HEATR5A: variants seen among roughly 807,000 people sequenced by gnomAD.
HEATR5A encodes the protein HEAT repeat-containing protein 5A.
HEATR5A carries 178 observed loss-of-function variants against 218.8 expected under a neutral mutation model. The observed-to-expected ratio is 0.81, with a 90% confidence interval of 0.72 to 0.92. The LOEUF is 0.92. Among genes scored for constraint, HEATR5A ranks in the 40% least tolerant of loss-of-function variants. The pLI is 0.00. For missense variants in HEATR5A, 2,420 were observed against 2,418.9 expected (o/e 1.00, Z -0.01); for synonymous variants, 864 against 871.6 (o/e 0.99, Z 0.15).
At chr14:31,363,666 TAAG>T (rs35637716) in intron 14 of HEATR5A, among the ~76,000 whole-genome samples, 12,672 of 152,070 alleles carry the variant, frequency 0.083, 602 homozygotes, top group East Asian at 0.16. Context: ...TGCCTGGCCT[TAAG>T]AAGGAGGTTT....
At chr14:31,359,555 C>T (rs1901547108) in intron 14 of HEATR5A, among the ~76,000 whole-genome samples, 1 of 150,530 alleles carries the variant, frequency 6.6e-6, no homozygotes, top group African/African-American at 2.4e-5. Context: ...GGTGAAACCC[C>T]ATCTTTAGTA....
Position 31,347,735 on chromosome 14 carries a change from A to C in HEATR5A, c.2868+13T>G. ...TCATGAATTTCAAGGGAAGTATCACATGAGGTACCCACCTGCACATCAGGA... is the reference window on the plus strand; with the variant it reads ...TCATGAATTTCAAGGGAAGTATCACCTGAGGTACCCACCTGCACATCAGGA... On this transcript the variant is annotated intron_variant, in intron 19 of 35. Transcript: ENST00000543095. The C allele has an allele frequency of 6.4e-7, 1 of 1,556,434 alleles. No homozygotes were observed. The highest frequency in any genetic ancestry group is 1.3e-5 in the South Asian group (1 of 79,250).
chr14:31,355,039 G>A (rs754486033), intron 16 of HEATR5A, among the ~76,000 whole-genome samples: 11 of 152,190 alleles, frequency 7.2e-5, no homozygotes, highest in Non-Finnish European at 1.6e-4. Flanking sequence ...TAATTCCAAT[G>A]TGCAAGTCAG....
intron 1 of HEATR5A, among the ~76,000 whole-genome samples, chr14:31,411,264 C>T (rs2031261819): frequency 6.6e-6 from 1 of 152,026 alleles, no homozygotes. Flanking sequence ...TTAATTACAG[C>T]ACTGTAATTA....
rs1595176729 is a variant in HEATR5A at position 31,400,484 on chromosome 14, A to G, written c.155T>C (p.Leu52Pro). The G allele has an allele frequency of 5.2e-6, 8 of 1,535,698 alleles. No homozygotes were observed. In the East Asian group the frequency reaches 1.7e-4, roughly 33 times the overall value. ...RNDVREKQKT[L>P]VEQLLSLLNS... ...CAACAAAGACAGGAGCTGTTCAACA[A>G]GAGTCTTCTGTTTCTCCCTTACATC... is the stretch of plus-strand genomic sequence containing the variant. The change falls in exon 3 of 36, where the codon CTT becomes CCT. Residue 52 changes from leucine (L) to proline (P), a missense_variant. Coordinates refer to ENST00000543095, the MANE Select transcript of HEATR5A (RefSeq NM_015473.4).
intron 21 of HEATR5A, among the ~76,000 whole-genome samples, chr14:31,338,127 T>C (rs1392526221): frequency 6.6e-6 from 1 of 152,214 alleles, no homozygotes; most frequent in Non-Finnish European, 1.5e-5. Context: ...GGGCAAATTA[T>C]TTAACTCCTC....
At chr14:31,402,427 G>C (rs1267034683) in intron 2 of HEATR5A, among the ~76,000 whole-genome samples, 2 of 152,110 alleles carry the variant, frequency 1.3e-5, no homozygotes, top group Non-Finnish European at 2.9e-5. Flanking sequence ...GAGGGAATCT[G>C]TTTATCCATA....
intron 2 of HEATR5A, 56 bp from the exon 3 acceptor site, chr14:31,400,568 C>A: frequency 8.9e-7 from 1 of 1,121,492 alleles, no homozygotes. Flanking sequence ...ATCTGTAATC[C>A]CCTAATATAA....
intron 1 of HEATR5A, among the ~76,000 whole-genome samples, chr14:31,409,054 C>CA (rs80055747): frequency 2.3e-5 from 1 of 44,396 alleles, no homozygotes; most frequent in African/African-American, 7.7e-5. Context: ...GACTCCGTCT[C>CA]AAAAAAAAAA....
intron 26 of HEATR5A, among the ~76,000 whole-genome samples, chr14:31,316,603 A>C (rs1317648964): frequency 6.6e-6 from 1 of 152,262 alleles, no homozygotes; most frequent in African/African-American, 2.4e-5. Context: ...TGTTTTGAAG[A>C]CAGTGTAATT....
chr14:31,353,920 C>A (rs898973471), intron 16 of HEATR5A, among the ~76,000 whole-genome samples: 1 of 152,030 alleles, frequency 6.6e-6, no homozygotes, highest in African/African-American at 2.4e-5. Context: ...GTGTCTCAGC[C>A]TCCTGAGTAG....
chr14:31,366,236 T>A (rs1376957624), intron 13 of HEATR5A, among the ~76,000 whole-genome samples: 1 of 152,170 alleles, frequency 6.6e-6, no homozygotes, highest in African/African-American at 2.4e-5. Flanking sequence ...ACTGCGCCAC[T>A]GCACTCAATC....
intron 13 of HEATR5A, among the ~76,000 whole-genome samples, chr14:31,368,273 A>G (rs1354916033): frequency 2.0e-5 from 3 of 152,128 alleles, no homozygotes; most frequent in East Asian, 1.9e-4. Context: ...GGTAAACAGC[A>G]GGCTCTCATC....
At position 31,383,528 on chromosome 14, in the gene HEATR5A, T is replaced by C. The variant is rs2030082179; in HGVS notation, c.1589A>G (p.Lys530Arg). ...AGAGAATGAAATCATTACCTTGCCT[T>C]TTCCATGAGGAATTCCTAAAGGACA... ...KHCPLGIPHG[K>R]GKIIMTLAED... The change falls in exon 10 of 36, where the codon AAA becomes AGA. Residue 530 changes from lysine (K) to arginine (R), a missense_variant. Lys to Arg is a conservative substitution (Grantham distance 26). Transcript: ENST00000543095. The C allele has an allele frequency of 1.9e-6, 3 of 1,611,246 alleles. No individual in the cohort carries two copies. The Admixed American group carries it at 5.0e-5, about 27-fold the overall frequency.
Position 31,374,838 on chromosome 14 carries a change from T to C in HEATR5A, c.1839A>G (p.Glu613=). 6.2e-7 allele frequency: 1 copy of C among 1,613,660 alleles called. No homozygotes were observed. The highest frequency in any genetic ancestry group is 8.5e-7 in the Non-Finnish European group (1 of 1,179,744). ...GDSFTWQVTL[E]GRAGALCAIK... ...TACCACACAGTGCACCAGCTCGTCC[T>C]TCCAGGGTCACCTGCCATGTAAACG... Residue 613 remains glutamate, a synonymous_variant, in exon 12 of 36, where the codon GAA becomes GAG. Coordinates refer to ENST00000543095, the MANE Select transcript of HEATR5A (RefSeq NM_015473.4).
At chr14:31,295,825 G>C in intron 34 of HEATR5A, 84 bp downstream of exon 34, 1 of 1,077,556 alleles carries the variant, frequency 9.3e-7, no homozygotes, top group Non-Finnish European at 1.4e-6. Context: ...ACTTCCTATT[G>C]GAGCCAACAA....
chr14:31,394,740 C>T (rs1450308107), intron 5 of HEATR5A, among the ~76,000 whole-genome samples: 1 of 152,126 alleles, frequency 6.6e-6, no homozygotes, highest in Non-Finnish European at 1.5e-5. Flanking sequence ...ATGGCGTGAA[C>T]CCGGGAGGCA....
chr14:31,349,920 T>C lies in HEATR5A; in HGVS notation c.2577A>G (p.Thr859=). 2.5e-6 allele frequency: 4 copies of C among 1,610,042 alleles called. No homozygotes were observed. The South Asian group carries it at 3.3e-5, about 13-fold the overall frequency. The change falls in exon 18 of 36, where the codon ACA becomes ACG. Residue 859 remains threonine (T), a synonymous_variant. Transcript: ENST00000543095. ...GPEEMKRFAL[T]LVMGALESPN... ...GGCTTTCTAGGGCTCCCATAACTAA[T>C]GTTAAGGCAAATCTTTTCATTTCTT...
At chr14:31,304,881 A>G in intron 32 of HEATR5A, 24 bp downstream of exon 32, 1 of 1,604,430 alleles carries the variant, frequency 6.2e-7, no homozygotes, top group Non-Finnish European at 8.5e-7. Context: ...AGGTCAAGTC[A>G]AGCAATCACA....
Sources: gnomAD v4.1 joint callset for allele counts (sites outside exome capture counted in the v4.1 genomes callset) on GRCh38, gnomAD v4.1.1 for gene constraint, MANE v1.5 for transcripts, NCBI Gene and HGNC (gene_info 2026-07-23, HGNC 2026-07-21) for gene names.